The following SOX5 variants were observed in gnomAD, a reference collection of about 807,000 sequenced individuals.
SOX5 encodes transcription factor SOX-5.
In SOX5, 9 loss-of-function variants were observed where a neutral mutation model predicts 92.0. The observed-to-expected ratio is 0.10, with a 90% CI of 0.06 to 0.17. SOX5 has a LOEUF of 0.17. Among genes scored for constraint, SOX5 ranks in the 10% least tolerant of loss-of-function variants. The pLI is 1.00. For synonymous variants in SOX5, 344 were observed against 336.3 expected, an observed-to-expected ratio of 1.02 and a Z score of -0.25; for missense variants, 642 against 944.5, an observed-to-expected ratio of 0.68 and a Z score of 4.20.
chr12:24,202,364 T>C (rs1957605317), intron 4 of SOX5, among the ~76,000 whole-genome samples: 1 of 152,232 alleles, frequency 6.6e-6, no homozygotes, highest in Non-Finnish European at 1.5e-5. Context: ...TCTGAAATAA[T>C]TTCAGGCTTA....
At chr12:24,346,938 T>C (rs1019479455) in intron 2 of SOX5, among the ~76,000 whole-genome samples, 15 of 152,028 alleles carry the variant, frequency 9.9e-5, no homozygotes, top group African/African-American at 3.6e-4. Context: ...AATGACGAGT[T>C]AATGGGTGCA....
rs1397124265 is a variant in SOX5, at chr12:23,869,002, T to C, written c.271-22809A>G. On this transcript the variant is annotated intron_variant, in intron 2 of 14. Transcript: ENST00000451604. The stretch of plus-strand genomic sequence containing the variant: ...TCAACTTTTTCACATTAAAACATAA[T>C]CTTTCAGGTCAGGCCCATTCTTATA... 1.3e-5 allele frequency among the ~76,000 whole-genome samples: 2 copies of C among 152,136 alleles called. 1 individual carries two copies. Among genetic ancestry groups the C allele is most frequent in the East Asian group, 3.8e-4 (2 of 5,198 alleles).
intron 2 of SOX5, among the ~76,000 whole-genome samples, chr12:23,880,578 C>T (rs993454458): frequency 6.6e-6 from 1 of 152,144 alleles, no homozygotes; most frequent in East Asian, 1.9e-4. Context: ...TCTCATTCTC[C>T]CTCTCTATCT....
At chr12:24,270,722 A>AAAAGCTTGTC in intron 3 of SOX5, among the ~76,000 whole-genome samples, 1 of 152,216 alleles carries the variant, frequency 6.6e-6, no homozygotes, top group African/African-American at 2.4e-5. Flanking sequence ...TTACACTAGT[A>AAAAGCTTGTC]TTTCTTGCTT....
At chr12:23,672,332 G>A (rs1451487354) in intron 6 of SOX5, among the ~76,000 whole-genome samples, 1 of 152,094 alleles carries the variant, frequency 6.6e-6, no homozygotes, top group Admixed American at 6.6e-5. Flanking sequence ...GCAAAATATT[G>A]CATTGAAGAA....
At chr12:24,518,898 T>G (rs1009061435) in intron 1 of SOX5, among the ~76,000 whole-genome samples, 1 of 152,240 alleles carries the variant, frequency 6.6e-6, no homozygotes, top group African/African-American at 2.4e-5. Flanking sequence ...GAAACAAAAC[T>G]TCTGCAGCCT....
At chr12:23,628,632 G>A (rs1279908759) in intron 8 of SOX5, among the ~76,000 whole-genome samples, 2 of 151,840 alleles carry the variant, frequency 1.3e-5, no homozygotes, top group African/African-American at 4.8e-5. Flanking sequence ...GGAGCAGTTG[G>A]ATAAGAAAAA....
chr12:23,563,147 GAC>G, intron 11 of SOX5, 109 bp downstream of exon 11: 2 of 892,328 alleles, frequency 2.2e-6, no homozygotes, highest in Non-Finnish European at 3.4e-6. Flanking sequence ...GGAGAAAAGG[GAC>G]AGAGAATCAT....
At chr12:23,561,128 C>T (rs1946125748) in intron 11 of SOX5, among the ~76,000 whole-genome samples, 1 of 152,168 alleles carries the variant, frequency 6.6e-6, no homozygotes, top group African/African-American at 2.4e-5. Context: ...GACATCTTAA[C>T]TGTCCAACAG....
chr12:23,876,471 G>A (rs576804574), intron 2 of SOX5, among the ~76,000 whole-genome samples: 11 of 152,152 alleles, frequency 7.2e-5, no homozygotes, highest in Non-Finnish European at 1.3e-4. Context: ...AAAAAAGTCA[G>A]GAAACAACAG....
At chr12:24,335,972 C>CTCATATATATATATATATATAT (rs769537310) in intron 2 of SOX5, among the ~76,000 whole-genome samples, 2 of 58,612 alleles carry the variant, frequency 3.4e-5, no homozygotes, top group African/African-American at 1.3e-4. Context: ...GAAATGCTAT[C>CTCATATATATATATATATATAT]ATATATATAT....
intron 4 of SOX5, among the ~76,000 whole-genome samples, chr12:23,986,895 A>G (rs10505921): frequency 0.3 from 46,316 of 152,076 alleles, 7,981 homozygotes; most frequent in Non-Finnish European, 0.38. Context: ...AAAGCTTAAA[A>G]TTCTACTTCA....
In SOX5 at chr12:23,628,389, T is replaced by C. The variant is rs548847878; in HGVS notation, c.1017+12423A>G. Among the ~76,000 whole-genome samples, 12 of 152,224 alleles carry C rather than the reference T, an allele frequency of 7.9e-5. No individual in the cohort carries two copies. The South Asian group carries it at 2.5e-3, about 32-fold the overall frequency. On this transcript the variant is annotated intron_variant, in intron 8 of 14. Transcript: ENST00000451604. ...TTACAGATGAAAGGACAATATTTTCTATAGTTCTGCTTCACTCCATAAAGG... is the reference window on the plus strand; with the variant it reads ...TTACAGATGAAAGGACAATATTTTCCATAGTTCTGCTTCACTCCATAAAGG...
chr12:24,409,466 A>T (rs1048802595), intron 1 of SOX5, among the ~76,000 whole-genome samples: 7 of 152,066 alleles, frequency 4.6e-5, no homozygotes, highest in Non-Finnish European at 5.9e-5. Context: ...AGAAAAAATA[A>T]TTTTTTTTAA....
intron 4 of SOX5, among the ~76,000 whole-genome samples, chr12:24,100,950 T>C (rs1353764255): frequency 6.6e-6 from 1 of 152,124 alleles, no homozygotes; most frequent in Non-Finnish European, 1.5e-5. Context: ...TCCACATTTT[T>C]CTCCACCTTT....
chr12:24,413,132 G>C (rs924821893), intron 1 of SOX5, among the ~76,000 whole-genome samples: 6 of 152,208 alleles, frequency 3.9e-5, no homozygotes, highest in African/African-American at 1.4e-4. Context: ...TTTTTACAAA[G>C]TGATTAAACT....
chr12:24,333,254 T>C (rs908948266), intron 2 of SOX5, among the ~76,000 whole-genome samples: 2 of 152,008 alleles, frequency 1.3e-5, no homozygotes, highest in Non-Finnish European at 2.9e-5. Context: ...AAAAAAAGTA[T>C]AGATGATGAT....
intron 3 of SOX5, among the ~76,000 whole-genome samples, chr12:24,236,096 G>A (rs1320435463): frequency 6.6e-6 from 1 of 152,136 alleles, no homozygotes; most frequent in African/African-American, 2.4e-5. Flanking sequence ...GGAGGCTGAG[G>A]CAGGAGAATG....
chr12:24,163,532 G>A (rs989805712), intron 4 of SOX5, among the ~76,000 whole-genome samples: 2 of 139,422 alleles, frequency 1.4e-5, no homozygotes, highest in African/African-American at 5.4e-5. Flanking sequence ...TATTTATTCC[G>A]AGCTTTATTC....
Sources: gnomAD v4.1 joint callset for allele counts (sites outside exome capture counted in the v4.1 genomes callset) on GRCh38, gnomAD v4.1.1 for gene constraint, MANE v1.5 for transcripts, NCBI Gene and HGNC (gene_info 2026-07-23, HGNC 2026-07-21) for gene names.